ANKS1B: variants seen among roughly 807,000 people sequenced by gnomAD.
ANKS1B encodes ankyrin repeat and sterile alpha motif domain containing 1B.
Under a neutral mutation model 148.3 loss-of-function variants are expected in ANKS1B, and 36 were observed. That is an observed-to-expected ratio of 0.24 (90% CI 0.19 to 0.32). ANKS1B has a LOEUF of 0.32. ANKS1B is among the 10% of genes least tolerant of loss of function. ANKS1B has a pLI of 1.00. For missense variants in ANKS1B, 1,157 were observed against 1,542.6 expected, an observed-to-expected ratio of 0.75 and a Z score of 4.19; for synonymous variants, 542 against 560.8, an observed-to-expected ratio of 0.97 and a Z score of 0.47.
chr12:98,815,438 A>G (rs2099131540), intron 19 of ANKS1B, among the ~76,000 whole-genome samples: 1 of 152,082 alleles, frequency 6.6e-6, no homozygotes, highest in Non-Finnish European at 1.5e-5. Flanking sequence ...GTTAGTCCTC[A>G]GTCTTCCCTT....
intron 11 of ANKS1B, among the ~76,000 whole-genome samples, chr12:99,430,331 G>A (rs1043430025): frequency 3.3e-5 from 5 of 152,130 alleles, no homozygotes; most frequent in African/African-American, 7.2e-5. Flanking sequence ...ACATGCTTTG[G>A]TGGCTAATTT....
At chr12:98,965,872 CCTT>C (rs1440871675) in intron 17 of ANKS1B, among the ~76,000 whole-genome samples, 13 of 152,290 alleles carry the variant, frequency 8.5e-5, no homozygotes, top group Non-Finnish European at 1.9e-4. Context: ...TGGATCCCTT[CCTT>C]ACACCTCATA....
intron 9 of ANKS1B, among the ~76,000 whole-genome samples, chr12:99,563,700 C>T (rs2097360797): frequency 6.6e-6 from 1 of 152,012 alleles, no homozygotes; most frequent in South Asian, 2.1e-4. Context: ...AATATGTCAC[C>T]AATAGATTTA....
At chr12:99,781,366 C>G (rs750615332) in intron 5 of ANKS1B, among the ~76,000 whole-genome samples, 1 of 152,076 alleles carries the variant, frequency 6.6e-6, no homozygotes, top group Non-Finnish European at 1.5e-5. Context: ...AAAATTCCAT[C>G]AGTTGTTTAC....
chr12:98,895,747 C>T lies in ANKS1B; in HGVS notation c.2779-63611G>A, dbSNP rs562684885. On this transcript the variant is annotated intron_variant, in intron 17 of 26. Transcript: ENST00000683438. The stretch of plus-strand genomic sequence containing the variant: ...GGTTTCCACCAAAGTTACCATTGTA[C>T]TACTACCAACAGTTGTGGAAATTTA... 1.5e-3 allele frequency among the ~76,000 whole-genome samples: 227 copies of T among 152,330 alleles called. 2 individuals carry two copies. Among genetic ancestry groups the T allele is most frequent in the Non-Finnish European group, 2.6e-3 (177 of 68,024 alleles).
chr12:99,665,951 T>A (rs530572665), intron 8 of ANKS1B, among the ~76,000 whole-genome samples: 19 of 152,326 alleles, frequency 1.2e-4, no homozygotes, highest in Non-Finnish European at 7.4e-5. Flanking sequence ...TGCTTTTACA[T>A]TTTGATCTTT....
intron 15 of ANKS1B, among the ~76,000 whole-genome samples, chr12:99,136,410 C>A (rs997084953): frequency 2.0e-5 from 3 of 152,140 alleles, no homozygotes; most frequent in Non-Finnish European, 4.4e-5. Flanking sequence ...AGAAGCCAAT[C>A]CAGATGGCAA....
chr12:98,768,733 CA>C (rs36034629), intron 25 of ANKS1B, among the ~76,000 whole-genome samples: 20,453 of 80,526 alleles, frequency 0.25, 1,409 homozygotes, highest in African/African-American at 0.3. Context: ...GACTCCATCT[CA>C]AAAAAAAAAA....
At chr12:99,480,600 T>C (rs2096395699) in intron 10 of ANKS1B, among the ~76,000 whole-genome samples, 1 of 151,896 alleles carries the variant, frequency 6.6e-6, no homozygotes, top group Non-Finnish European at 1.5e-5. Flanking sequence ...AGAGAAAGCA[T>C]ACTCAAAGTG....
rs117581342 is a variant in ANKS1B at position 99,954,111 on chromosome 12, T to C, written c.134+29993A>G. On this transcript the variant is annotated intron_variant, in intron 1 of 26. Transcript: ENST00000683438. Reference sequence around the variant, plus strand: ...TTTCTGTTTTTCACAATAGTAGCTATAATAATGAGAGATGCTCAGTGGGTA... The same window carrying C: ...TTTCTGTTTTTCACAATAGTAGCTACAATAATGAGAGATGCTCAGTGGGTA... Among the ~76,000 whole-genome samples the C allele has an allele frequency of 1.8e-3, 269 of 152,326 alleles. 2 individuals carry two copies. Among genetic ancestry groups the C allele is most frequent in the South Asian group, 8.7e-3 (42 of 4,824 alleles).
At chr12:99,601,088 C>T (rs985792536) in intron 9 of ANKS1B, among the ~76,000 whole-genome samples, 8 of 151,970 alleles carry the variant, frequency 5.3e-5, no homozygotes, top group Non-Finnish European at 1.0e-4. Flanking sequence ...TGCTGTCTTG[C>T]ATATATTTGC....
intron 1 of ANKS1B, among the ~76,000 whole-genome samples, chr12:99,864,605 G>A (rs2090489620): frequency 6.6e-6 from 1 of 152,144 alleles, no homozygotes; most frequent in Non-Finnish European, 1.5e-5. Context: ...AGAGAAGCAT[G>A]AGCTTTGGAA....
intron 25 of ANKS1B, among the ~76,000 whole-genome samples, chr12:98,758,995 G>C (rs2098334995): frequency 6.7e-6 from 1 of 150,308 alleles, no homozygotes; most frequent in Admixed American, 6.6e-5. Flanking sequence ...TGGCCAGGCT[G>C]GTCTCGAGCT....
chr12:99,616,648 G>A (rs1223662742), intron 9 of ANKS1B, among the ~76,000 whole-genome samples: 1 of 152,120 alleles, frequency 6.6e-6, no homozygotes, highest in African/African-American at 2.4e-5. Context: ...ACTCAAGATG[G>A]ATTAAAGACT....
chr12:99,957,675 A>G (rs967050975), intron 1 of ANKS1B, among the ~76,000 whole-genome samples: 1 of 152,174 alleles, frequency 6.6e-6, no homozygotes. Flanking sequence ...TGTCCCAAAA[A>G]CTAGAACATG....
At chr12:99,682,379 A>C (rs2098625869) in intron 8 of ANKS1B, among the ~76,000 whole-genome samples, 1 of 152,208 alleles carries the variant, frequency 6.6e-6, no homozygotes, top group African/African-American at 2.4e-5. Context: ...AACAAAGCTC[A>C]ATAAATTTAA....
intron 16 of ANKS1B, among the ~76,000 whole-genome samples, chr12:99,079,164 G>C (rs1323756851): frequency 6.6e-6 from 1 of 152,180 alleles, no homozygotes; most frequent in Non-Finnish European, 1.5e-5. Context: ...CAGAGACAGA[G>C]GACCCAATCA....
chr12:99,197,660 A>G (rs78359997), intron 14 of ANKS1B, among the ~76,000 whole-genome samples: 1,697 of 152,296 alleles, frequency 0.011, 47 homozygotes, highest in East Asian at 0.088. Flanking sequence ...AAAGAACTCC[A>G]TCCACCATTG....
At chr12:99,505,481 T>C (rs2096701451) in intron 9 of ANKS1B, among the ~76,000 whole-genome samples, 1 of 151,882 alleles carries the variant, frequency 6.6e-6, no homozygotes, top group African/African-American at 2.4e-5. Context: ...GGTCCAGTTC[T>C]ATATGATTGA....
Sources: gnomAD v4.1 joint callset for allele counts (sites outside exome capture counted in the v4.1 genomes callset) on GRCh38, gnomAD v4.1.1 for gene constraint, MANE v1.5 for transcripts, NCBI Gene and HGNC (gene_info 2026-07-23, HGNC 2026-07-21) for gene names.